The following NKD2 variants were observed in gnomAD, a reference collection of about 807,000 sequenced individuals.
NKD2 encodes NKD inhibitor of Wnt signaling pathway 2, also known as protein naked cuticle homolog 2.
Under a neutral mutation model 34.8 loss-of-function variants are expected in NKD2, and 43 were observed. The ratio of observed to expected loss-of-function variants is 1.24; its 90% CI spans 0.97 to 1.60. The LOEUF (loss-of-function observed/expected upper bound fraction) is 1.60, where lower values mean the gene tolerates loss of function less well. NKD2 is among the 40% of genes most tolerant of loss of function. The pLI, the probability that NKD2 is intolerant of heterozygous loss-of-function variation, is 0.00. For synonymous variants in NKD2, 278 were observed against 265.1 expected (o/e 1.05, Z -0.47); for missense variants, 675 against 627.1 (o/e 1.08, Z -0.82).
intron 3 of NKD2, among the ~76,000 whole-genome samples, chr5:1,019,258 G>T (rs777994664): frequency 7.9e-5 from 12 of 152,204 alleles, no homozygotes; most frequent in Non-Finnish European, 1.5e-4. Context: ...CTCATCCCGA[G>T]AACCCTGCAG....
rs1194520936 is a variant in NKD2 at position 1,035,383 on chromosome 5, T to C, written c.575-6T>C. 1.3e-6 allele frequency: 2 copies of C among 1,554,940 alleles called. No individual in the cohort carries two copies. The highest frequency in any genetic ancestry group is 1.7e-6 in the Non-Finnish European group (2 of 1,148,842). ...GGAGTGAGTAATGGCAGGACCCCCC[T>C]TTCAGACCGGGAGCCCACCCGTTGC... On this transcript the variant is annotated splice_region_variant and splice_polypyrimidine_tract_variant and intron_variant, in intron 7 of 9. Transcript: ENST00000296849.
At chr5:1,011,857 T>G (rs1220080699) in intron 3 of NKD2, among the ~76,000 whole-genome samples, 1 of 152,272 alleles carries the variant, frequency 6.6e-6, no homozygotes, top group African/African-American at 2.4e-5. Flanking sequence ...CTGGCGACTC[T>G]GCGGAGCGCC....
At chr5:1,019,579 C>T (rs966544062) in intron 3 of NKD2, among the ~76,000 whole-genome samples, 32 of 152,244 alleles carry the variant, frequency 2.1e-4, no homozygotes, top group African/African-American at 6.7e-4. Flanking sequence ...GCAGGGCATG[C>T]GACGGGGGTG....
chr5:1,030,021 G>GT (rs199825697), intron 3 of NKD2, among the ~76,000 whole-genome samples: 1 of 149,582 alleles, frequency 6.7e-6, no homozygotes, highest in African/African-American at 2.5e-5. Context: ...GGTGCGGGGG[G>GT]GGGGGTACTG....
chr5:1,036,844 T>C (rs889014594), intron 9 of NKD2: 6 of 446,066 alleles, frequency 1.3e-5, no homozygotes, highest in African/African-American at 6.3e-5. Context: ...CAACAGACAG[T>C]GTCGACAGCA....
At chr5:1,012,164 G>A (rs1270407871) in intron 3 of NKD2, among the ~76,000 whole-genome samples, 2 of 152,252 alleles carry the variant, frequency 1.3e-5, no homozygotes, top group African/African-American at 2.4e-5. Flanking sequence ...TTTCTACAGC[G>A]CTCCCTGAGG....
Position 1,009,943 on chromosome 5 carries a change from G to T in NKD2, c.141+383G>T, listed in dbSNP as rs1220751961. Among the ~76,000 whole-genome samples the T allele has an allele frequency of 6.6e-6, 1 of 152,174 alleles. No homozygotes were observed. Among genetic ancestry groups the T allele is most frequent in the Admixed American group, 6.5e-5 (1 of 15,284 alleles). Reference sequence around the variant, plus strand: ...TACCCCGGCTGGATGAGCTGGAGGAGTTGGAGGAGGGGTGGGAGCTACAGA... The same window carrying T: ...TACCCCGGCTGGATGAGCTGGAGGATTTGGAGGAGGGGTGGGAGCTACAGA... On this transcript the variant is annotated intron_variant, in intron 3 of 9. Transcript: ENST00000296849. This position sits in a 1 kb window ranked among gnomAD's most constrained non-coding sequence, Gnocchi z 6.9.
intron 9 of NKD2, chr5:1,036,713 T>C (rs994298303): frequency 3.8e-6 from 2 of 521,560 alleles, no homozygotes; most frequent in African/African-American, 3.8e-5. Flanking sequence ...TGCCTTGGGG[T>C]GAGAAGTCAG....
chr5:1,022,342 T>C (rs62330226), intron 3 of NKD2, among the ~76,000 whole-genome samples: 737 of 23,968 alleles, frequency 0.031, 16 homozygotes, highest in Middle Eastern at 0.056. Flanking sequence ...CCGCTGTGGG[T>C]GTCTCAGCCC....
At chr5:1,037,192 G>A (rs1375481862) in intron 9 of NKD2, among the ~76,000 whole-genome samples, 1 of 152,180 alleles carries the variant, frequency 6.6e-6, no homozygotes, top group African/African-American at 2.4e-5. Flanking sequence ...TATGTGGCCT[G>A]CATGGAGATT....
intron 3 of NKD2, among the ~76,000 whole-genome samples, chr5:1,019,644 T>C (rs1244557822): frequency 1.3e-5 from 2 of 152,138 alleles, no homozygotes; most frequent in African/African-American, 4.8e-5. Context: ...GTCCCCAGGG[T>C]CTGGAGCTGT....
At position 1,009,971 on chromosome 5, in the gene NKD2, T is replaced by TG. The variant is rs1269096840; in HGVS notation, c.141+415dup. Among the ~76,000 whole-genome samples the TG allele has an allele frequency of 2.6e-5, 4 of 152,018 alleles. No individual in the cohort carries two copies. The highest frequency in any genetic ancestry group is 9.7e-5 in the African/African-American group (4 of 41,382). ...GGAGGAGGGGTGGGAGCTACAGACC[T>TG]GGGGCATCACTGGTCATAGCCTCAG... is the stretch of plus-strand genomic sequence containing the variant. On this transcript the variant is annotated intron_variant, in intron 3 of 9. Transcript: ENST00000296849. The surrounding 1 kb of genome is among the most constrained non-coding windows in gnomAD (Gnocchi z 6.9).
rs570996008 is a variant in NKD2 at position 1,036,208 on chromosome 5, C to T, written c.660-49C>T. On this transcript the variant is annotated intron_variant, in intron 8 of 9. Coordinates refer to ENST00000296849, the MANE Select transcript of NKD2 (RefSeq NM_033120.4). Reference sequence around the variant, plus strand: ...TGTAGGCACCCCGTCATCAGGGGTGCGCCACCCAGTCTGTGCGGGGGTCAG... The same window carrying T: ...TGTAGGCACCCCGTCATCAGGGGTGTGCCACCCAGTCTGTGCGGGGGTCAG... 2.2e-4 allele frequency: 333 copies of T among 1,482,136 alleles called. 3 individuals carry two copies. The South Asian group carries it at 4.1e-3, about 18-fold the overall frequency. 91.8% of individuals were successfully genotyped at this position (1,482,136 alleles called of 1,614,324 possible).
chr5:1,020,434 T>G (rs1449398185), intron 3 of NKD2, among the ~76,000 whole-genome samples: 2 of 152,164 alleles, frequency 1.3e-5, no homozygotes, highest in East Asian at 3.9e-4. Context: ...CCCCACCCCC[T>G]AGTCACCCTG....
Position 1,037,381 on chromosome 5 carries a change from A to G in NKD2, c.788-424A>G, listed in dbSNP as rs1266036294. ...GCTCTGCACAGGAGCTGCACCCTAC[A>G]GGGCTCGCACTGCACGTTGTGAAGG... On this transcript the variant is annotated intron_variant, in intron 9 of 9. Coordinates refer to ENST00000296849, the MANE Select transcript of NKD2 (RefSeq NM_033120.4). The G allele has an allele frequency of 7.8e-6, 6 of 767,000 alleles. No homozygotes were observed. The South Asian group carries it at 8.8e-5, about 11-fold the overall frequency. The allele number at this position is 767,000 out of a possible 1,614,324, so 47.5% of individuals were successfully genotyped here.
At chr5:1,035,252 GAGTGAGTTAATGAATGAGTGAACC>G (rs1368373543) in intron 7 of NKD2, 113 bp from the exon 8 acceptor site, 14 of 719,824 alleles carry the variant, frequency 1.9e-5, no homozygotes, top group South Asian at 3.6e-5. Flanking sequence ...GTGAACAAGT[GAGTGAGTTAATGAATGAGTGAACC>G]AGTGAGTTAA....
Position 1,009,643 on chromosome 5 carries a change from GCC to G in NKD2, c.141+85_141+86del. ...GGTGTCAGAGCTGTTCCTGGTGCCC[GCC>G]CGCGGACAGGCGAGACGTGGGCCGC... On this transcript the variant is annotated intron_variant, in intron 3 of 9. Coordinates refer to ENST00000296849, the MANE Select transcript of NKD2 (RefSeq NM_033120.4). This position sits in a 1 kb window ranked among gnomAD's most constrained non-coding sequence, Gnocchi z 6.9. 8.5e-7 allele frequency: 1 copy of G among 1,176,316 alleles called. No individual in the cohort carries two copies. The highest frequency in any genetic ancestry group is 1.9e-5 in the South Asian group (1 of 52,498). The allele number at this position is 1,176,316 out of a possible 1,614,324, so 72.9% of individuals were successfully genotyped here. A position where few individuals can be genotyped will look rare whatever the true frequency, so the allele number is the denominator to read the frequency against.
At chr5:1,037,357 C>T (rs1462683955) in intron 9 of NKD2, among the ~76,000 whole-genome samples, 3 of 152,152 alleles carry the variant, frequency 2.0e-5, no homozygotes, top group Admixed American at 6.5e-5. Context: ...CTTGGCCGCG[C>T]TCTGCACAGG....
intron 7 of NKD2, among the ~76,000 whole-genome samples, 198 bp from the exon 8 acceptor site, chr5:1,035,191 T>C (rs1207906393): frequency 6.6e-6 from 1 of 151,464 alleles, no homozygotes; most frequent in Admixed American, 6.6e-5. Context: ...AGTGAGTTAA[T>C]GAGTGAACGA....
Sources: gnomAD v4.1 joint callset for allele counts (sites outside exome capture counted in the v4.1 genomes callset) on GRCh38, gnomAD v4.1.1 for gene constraint, Gnocchi (gnomAD v3.1) non-coding constraint, MANE v1.5 for transcripts, NCBI Gene and HGNC (gene_info 2026-07-23, HGNC 2026-07-21) for gene names.